Variants in TRDMT1 observed in about 807,000 individuals in gnomAD.
TRDMT1 encodes tRNA aspartic acid methyltransferase 1.
TRDMT1 carries 49 observed loss-of-function variants against 51.2 expected under a neutral mutation model. That is an observed-to-expected ratio of 0.96 (90% CI 0.76 to 1.21). The LOEUF is 1.21. TRDMT1 is among the 50% of genes most tolerant of loss of function. TRDMT1 has a pLI of 0.00. For synonymous variants in TRDMT1, 187 were observed against 164.6 expected (o/e 1.14, Z -1.04); for missense variants, 534 against 462.3 (o/e 1.16, Z -1.42).
At position 17,160,350 on chromosome 10, in the gene TRDMT1, T is replaced by C; in HGVS notation, c.414A>G (p.Glu138=). 6.4e-7 allele frequency: 1 copy of C among 1,565,546 alleles called. No individual in the cohort carries two copies. Among genetic ancestry groups the C allele is most frequent in the Non-Finnish European group, 8.6e-7 (1 of 1,156,242 alleles). The change falls in exon 6 of 11, where the codon GAA becomes GAG. Residue 138 remains glutamate (E), a synonymous_variant. Transcript: ENST00000377799. ...ACTCTTGGTACTGAAAGCCACAATT[T>C]TCTATTGTTTGTATCAAGAGGTCTC... The part of the protein sequence containing the change: ...STRDLLIQTI[E]NCGFQYQEFL...
chr10:17,163,698 C>G (rs1300761671), intron 3 of TRDMT1, among the ~76,000 whole-genome samples: 1 of 152,050 alleles, frequency 6.6e-6, no homozygotes, highest in Non-Finnish European at 1.5e-5. Flanking sequence ...ACCACCGACC[C>G]CACAGAAATA....
At chr10:17,149,373 CAT>C (rs758808653) in intron 10 of TRDMT1, among the ~76,000 whole-genome samples, 4 of 152,118 alleles carry the variant, frequency 2.6e-5, no homozygotes, top group Non-Finnish European at 5.9e-5. Flanking sequence ...AGCACACACA[CAT>C]GTACACATAT....
chr10:17,174,547 T>G lies in TRDMT1; in HGVS notation c.174+4A>C. 6.3e-7 allele frequency: 1 copy of G among 1,576,906 alleles called. No individual in the cohort carries two copies. The highest frequency in any genetic ancestry group is 8.7e-7 in the Non-Finnish European group (1 of 1,146,368). On this transcript the variant is annotated splice_donor_region_variant and intron_variant, in intron 2 of 10. Coordinates refer to ENST00000377799, the MANE Select transcript of TRDMT1 (RefSeq NM_004412.7). ...TACTTATTAAAACAATGACAATTAC[T>G]CACTTCAATCGTCTTGGCAAGTAAC...
chr10:17,165,703 G>A (rs1841103230), intron 3 of TRDMT1, among the ~76,000 whole-genome samples: 1 of 152,106 alleles, frequency 6.6e-6, no homozygotes, highest in African/African-American at 2.4e-5. Flanking sequence ...ATCAAAAAGT[G>A]AGCAAAGGAT....
At chr10:17,160,396 T>C (rs1840166406) in intron 5 of TRDMT1, 22 bp from the exon 6 acceptor site, 4 of 1,303,932 alleles carry the variant, frequency 3.1e-6, no homozygotes, top group Non-Finnish European at 4.2e-6. Context: ...AAAAAAAAAC[T>C]TTAATTCTTA....
At chr10:17,170,835 A>G (rs1474985856) in intron 2 of TRDMT1, among the ~76,000 whole-genome samples, 1 of 145,226 alleles carries the variant, frequency 6.9e-6, no homozygotes, top group Non-Finnish European at 1.5e-5. Flanking sequence ...TGTATATTGT[A>G]TGCTGTAGGT....
chr10:17,180,658 C>T (rs1175823445), intron 1 of TRDMT1, among the ~76,000 whole-genome samples: 2 of 151,962 alleles, frequency 1.3e-5, no homozygotes, highest in Non-Finnish European at 2.9e-5. Flanking sequence ...TTATAACTGT[C>T]TATTAGGAGA....
chr10:17,184,628 A>G (rs558040483), intron 1 of TRDMT1, among the ~76,000 whole-genome samples: 3 of 152,200 alleles, frequency 2.0e-5, no homozygotes, highest in East Asian at 3.9e-4. Context: ...CTAGCAGTAT[A>G]ATTTCTGCTA....
intron 1 of TRDMT1, among the ~76,000 whole-genome samples, chr10:17,179,852 C>A (rs1405317377): frequency 6.6e-6 from 1 of 151,848 alleles, no homozygotes; most frequent in Non-Finnish European, 1.5e-5. Context: ...GCTATCAAAC[C>A]CTAGAATGAA....
intron 10 of TRDMT1, chr10:17,150,697 T>C: frequency 1.0e-6 from 1 of 984,702 alleles, no homozygotes; most frequent in Middle Eastern, 5.2e-4. Flanking sequence ...GACAGGAAGG[T>C]AGAATTAGTT....
At chr10:17,169,406 C>A in intron 2 of TRDMT1, 1 of 1,285,462 alleles carries the variant, frequency 7.8e-7, no homozygotes, top group Non-Finnish European at 1.0e-6. Flanking sequence ...TGGAAAAGGG[C>A]CTCATTCTCA....
At chr10:17,200,099 G>A (rs759568398) in intron 1 of TRDMT1, among the ~76,000 whole-genome samples, 5 of 152,344 alleles carry the variant, frequency 3.3e-5, no homozygotes, top group Middle Eastern at 6.8e-3. Context: ...CTAGCACACA[G>A]TTAAGTCTTA....
rs547312347 is a variant in TRDMT1, at chr10:17,140,249, G to A, written c.*8791C>T. 1.4e-5 allele frequency among the ~76,000 whole-genome samples: 2 copies of A among 147,644 alleles called. No individual in the cohort carries two copies. The highest frequency in any genetic ancestry group is 3.2e-3 in the Middle Eastern group (1 of 312). ...TTTTTTTGTACCTTTAGTAGAGATA[G>A]GGTTTTATCATGGCCAGGCTGGTCT... On this transcript the variant is annotated 3_prime_UTR_variant, in exon 11 of 11. Transcript: ENST00000377799.
intron 2 of TRDMT1, 68 bp from the exon 3 acceptor site, chr10:17,168,985 T>C: frequency 1.0e-6 from 1 of 963,800 alleles, no homozygotes; most frequent in South Asian, 1.7e-5. Context: ...AGAGGGAAAA[T>C]ACTAACTATA....
At chr10:17,200,470 T>C (rs918139467) in intron 1 of TRDMT1, 2 of 167,850 alleles carry the variant, frequency 1.2e-5, no homozygotes, top group African/African-American at 4.8e-5. Flanking sequence ...TCAATAAATC[T>C]GCTCAAAAAA....
intron 1 of TRDMT1, among the ~76,000 whole-genome samples, chr10:17,192,512 C>T (rs1844828786): frequency 6.6e-6 from 1 of 152,318 alleles, no homozygotes; most frequent in South Asian, 2.1e-4. Context: ...CCATCACTGC[C>T]CTTTTGTTGC....
intron 1 of TRDMT1, among the ~76,000 whole-genome samples, chr10:17,190,707 GGAT>G (rs1844581579): frequency 6.6e-6 from 1 of 152,168 alleles, no homozygotes; most frequent in Admixed American, 6.5e-5. Context: ...TATCACAGAA[GGAT>G]GATATCTACA....
In TRDMT1 at chr10:17,146,229, T is replaced by C. The variant is rs527963704; in HGVS notation, c.*2811A>G. ...ACTGTTCACAATTTCAACTACTGTT[T>C]TTGCCTCTTTAGAAGGCTCTCCTTT... On this transcript the variant is annotated 3_prime_UTR_variant, in exon 11 of 11. Transcript: ENST00000377799. The C allele has an allele frequency of 1.0e-6, 1 of 985,470 alleles. No individual in the cohort carries two copies. The highest frequency in any genetic ancestry group is 1.7e-5 in the African/African-American group (1 of 57,382). 61.0% of individuals were successfully genotyped at this position (985,470 alleles called of 1,614,324 possible).
chr10:17,168,763 A>G, intron 3 of TRDMT1, 78 bp downstream of exon 3: 2 of 996,682 alleles, frequency 2.0e-6, no homozygotes, highest in Non-Finnish European at 3.0e-6. Flanking sequence ...TCTTTTGTAA[A>G]TTGCCCAGTC....
Sources: gnomAD v4.1 joint callset for allele counts (sites outside exome capture counted in the v4.1 genomes callset) on GRCh38, gnomAD v4.1.1 for gene constraint, MANE v1.5 for transcripts, NCBI Gene and HGNC (gene_info 2026-07-23, HGNC 2026-07-21) for gene names.